GUCY1A2: variants seen among roughly 807,000 people sequenced by gnomAD.
GUCY1A2 encodes guanylate cyclase 1 soluble subunit alpha 2.
In GUCY1A2, 27 loss-of-function variants were observed where a neutral mutation model predicts 63.5. The observed-to-expected ratio is 0.43, with a 90% confidence interval of 0.31 to 0.59. The LOEUF is 0.59. Among genes scored for constraint, GUCY1A2 ranks in the 20% least tolerant of loss-of-function variants. GUCY1A2 has a pLI of 0.11. For synonymous variants in GUCY1A2, 364 were observed against 343.5 expected (o/e 1.06, Z -0.66); for missense variants, 768 against 913.3 (o/e 0.84, Z 2.05).
At chr11:106,833,105 C>T (rs1859072301) in intron 4 of GUCY1A2, among the ~76,000 whole-genome samples, 1 of 152,048 alleles carries the variant, frequency 6.6e-6, no homozygotes, top group African/African-American at 2.4e-5. Flanking sequence ...CTAATTTACA[C>T]ATGGCATTCT....
chr11:106,904,240 T>C (rs1565326712), intron 4 of GUCY1A2, among the ~76,000 whole-genome samples: 1 of 152,126 alleles, frequency 6.6e-6, no homozygotes, highest in African/African-American at 2.4e-5. Context: ...CAGCAAAATA[T>C]ATATAGGACT....
chr11:106,832,252 A>G (rs900835921), intron 4 of GUCY1A2, among the ~76,000 whole-genome samples: 1 of 152,138 alleles, frequency 6.6e-6, no homozygotes, highest in Non-Finnish European at 1.5e-5. Flanking sequence ...TCTCTAAATA[A>G]TTTAAATGGT....
At chr11:106,985,169 C>T (rs1038285594) in intron 2 of GUCY1A2, among the ~76,000 whole-genome samples, 4 of 152,166 alleles carry the variant, frequency 2.6e-5, no homozygotes, top group African/African-American at 9.6e-5. Flanking sequence ...GAGAGCAGTT[C>T]AAGAAGTACC....
chr11:106,735,458 G>A (rs1156803773), intron 6 of GUCY1A2, among the ~76,000 whole-genome samples: 1 of 152,092 alleles, frequency 6.6e-6, no homozygotes, highest in Non-Finnish European at 1.5e-5. Flanking sequence ...CATTCATGTT[G>A]TTGCAAATAA....
At chr11:106,883,445 G>A (rs1470604959) in intron 4 of GUCY1A2, among the ~76,000 whole-genome samples, 3 of 152,036 alleles carry the variant, frequency 2.0e-5, no homozygotes, top group Non-Finnish European at 2.9e-5. Flanking sequence ...CATTGTACTG[G>A]ACACTGGGGA....
At position 106,683,934 on chromosome 11, in the gene GUCY1A2, T is replaced by G; in HGVS notation, c.*3615A>C. 2 of 202,288 alleles carry G rather than the reference T, an allele frequency of 9.9e-6. No individual in the cohort carries two copies. Among genetic ancestry groups the G allele is most frequent in the Non-Finnish European group, 2.0e-5 (2 of 98,290 alleles). The allele number at this position is 202,288 out of a possible 1,614,324, so 12.5% of individuals were successfully genotyped here. The stretch of plus-strand genomic sequence containing the variant: ...CAGAGCCTGGTGGGGTTTTCAGAAT[T>G]CTCCATGGCTTTGCCTTTTGTTATC... On this transcript the variant is annotated 3_prime_UTR_variant, in exon 8 of 8. Coordinates refer to ENST00000526355, the MANE Select transcript of GUCY1A2 (RefSeq NM_000855.3).
intron 4 of GUCY1A2, among the ~76,000 whole-genome samples, chr11:106,816,167 T>TAA (rs60263721): frequency 0.024 from 2,185 of 91,900 alleles, 32 homozygotes; most frequent in Middle Eastern, 0.05. Flanking sequence ...ACTCTTTCTT[T>TAA]AAAAAAAAAA....
chr11:106,934,864 G>A (rs1322155838), intron 4 of GUCY1A2, among the ~76,000 whole-genome samples: 3 of 152,048 alleles, frequency 2.0e-5, no homozygotes, highest in South Asian at 2.1e-4. Flanking sequence ...AAGAACTCAT[G>A]TTATTTATTG....
intron 4 of GUCY1A2, among the ~76,000 whole-genome samples, chr11:106,815,747 G>T (rs1858822102): frequency 6.6e-6 from 1 of 151,764 alleles, no homozygotes; most frequent in Non-Finnish European, 1.5e-5. Context: ...CTCACAAGAG[G>T]AAGGCAGAGG....
intron 4 of GUCY1A2, among the ~76,000 whole-genome samples, chr11:106,881,331 C>G (rs1050135954): frequency 6.6e-6 from 1 of 152,036 alleles, no homozygotes; most frequent in East Asian, 1.9e-4. Context: ...AAAGTAGCCT[C>G]AAAAGATGGC....
At chr11:106,842,571 A>G (rs186468296) in intron 4 of GUCY1A2, among the ~76,000 whole-genome samples, 68 of 152,130 alleles carry the variant, frequency 4.5e-4, no homozygotes, top group Admixed American at 7.2e-4. Context: ...AGAATCAGTC[A>G]GTGTGGTGTG....
intron 1 of GUCY1A2, among the ~76,000 whole-genome samples, chr11:107,007,747 C>A (rs1007977562): frequency 6.6e-6 from 1 of 152,134 alleles, no homozygotes; most frequent in Non-Finnish European, 1.5e-5. Flanking sequence ...ATTGTGTCCA[C>A]TAATGATTAT....
chr11:107,002,388 G>GGTGTGTGT (rs71044205), intron 1 of GUCY1A2, among the ~76,000 whole-genome samples: 5,640 of 149,090 alleles, frequency 0.038, 181 homozygotes, highest in African/African-American at 0.086. Context: ...AATAAGAACA[G>GGTGTGTGT]GTGTGTGTGT....
intron 5 of GUCY1A2, among the ~76,000 whole-genome samples, chr11:106,792,237 T>C (rs1864676268): frequency 6.6e-6 from 1 of 152,004 alleles, no homozygotes; most frequent in South Asian, 2.1e-4. Flanking sequence ...AATACAAAAA[T>C]TAGCCAGGCT....
At chr11:106,901,283 C>T (rs1860129541) in intron 4 of GUCY1A2, among the ~76,000 whole-genome samples, 1 of 152,124 alleles carries the variant, frequency 6.6e-6, no homozygotes, top group Non-Finnish European at 1.5e-5. Flanking sequence ...CATCTTCAGG[C>T]CCCACTTCTA....
intron 4 of GUCY1A2, among the ~76,000 whole-genome samples, chr11:106,935,087 C>G (rs1281785146): frequency 1.3e-5 from 2 of 152,122 alleles, no homozygotes; most frequent in Admixed American, 6.5e-5. Context: ...CCAAACAGAG[C>G]TCCTATAGAA....
chr11:106,826,253 A>G (rs1300492578), intron 4 of GUCY1A2: 1 of 687,940 alleles, frequency 1.5e-6, no homozygotes, highest in Non-Finnish European at 2.3e-6. Context: ...ATGTTTTTAT[A>G]TTTTTCCACT....
chr11:106,921,378 C>CG (rs146483270), intron 4 of GUCY1A2, among the ~76,000 whole-genome samples: 4,769 of 151,998 alleles, frequency 0.031, 228 homozygotes, highest in African/African-American at 0.11. Context: ...CCATGCCAGA[C>CG]ATGTGATCTT....
At position 106,828,662 on chromosome 11, in the gene GUCY1A2, C is replaced by A. The variant is rs7106256; in HGVS notation, c.1207-18184G>T. 2.2e-3 allele frequency among the ~76,000 whole-genome samples: 331 copies of A among 152,286 alleles called. 2 individuals carry two copies. The highest frequency in any genetic ancestry group is 7.7e-3 in the African/African-American group (319 of 41,560). On this transcript the variant is annotated intron_variant, in intron 4 of 7. Transcript: ENST00000526355. ...TGAAAAGAAGGCATGGAGAGGAAGA[C>A]AACTTGCATGACATCACAAGGCAAA...
Sources: gnomAD v4.1 joint callset for allele counts (sites outside exome capture counted in the v4.1 genomes callset) on GRCh38, gnomAD v4.1.1 for gene constraint, MANE v1.5 for transcripts, NCBI Gene and HGNC (gene_info 2026-07-23, HGNC 2026-07-21) for gene names.